Variants in PMVK observed in about 807,000 individuals in gnomAD.
The protein encoded by PMVK is testis tissue sperm-binding protein Li 95mP.
Under a neutral mutation model 19.0 loss-of-function variants are expected in PMVK, and 10 were observed. The observed-to-expected ratio is 0.53, with a 90% CI of 0.32 to 0.89. The LOEUF (loss-of-function observed/expected upper bound fraction) is 0.89. PMVK is among the 40% of genes least tolerant of loss of function. The pLI is 0.03. For missense variants in PMVK, 222 were observed against 251.1 expected (o/e 0.88, Z 0.78); for synonymous variants, 108 against 101.6 (o/e 1.06, Z -0.38).
chr1:154,938,274 C>G (rs72702222), upstream of PMVK, among the ~76,000 whole-genome samples: 1,538 of 152,342 alleles, frequency 0.01, 12 homozygotes, highest in Middle Eastern at 0.031. Context: ...CTCTCTGACT[C>G]TGAGATCCAG....
intron 3 of PMVK, among the ~76,000 whole-genome samples, chr1:154,927,448 CAAAAAAAAAAAAA>C (rs59872946): frequency 2.0e-4 from 7 of 35,548 alleles, no homozygotes; most frequent in Non-Finnish European, 4.2e-4. Flanking sequence ...GACTCTGTCT[CAAAAAAAAAAAAA>C]AAAAAAAAAA....
intron 1 of PMVK, among the ~76,000 whole-genome samples, chr1:154,935,824 G>C (rs1654486368): frequency 6.6e-6 from 1 of 152,010 alleles, no homozygotes; most frequent in African/African-American, 2.4e-5. Context: ...TGAGTAGCTT[G>C]GACTAGAGGT....
intron 1 of PMVK, among the ~76,000 whole-genome samples, chr1:154,932,964 G>T (rs1005020672): frequency 3.2e-4 from 49 of 152,018 alleles, no homozygotes; most frequent in African/African-American, 1.1e-3. Context: ...TTAAAAATTA[G>T]CTGAGCATGG....
intron 1 of PMVK, among the ~76,000 whole-genome samples, chr1:154,936,094 T>A (rs1293417818): frequency 1.3e-5 from 2 of 152,300 alleles, no homozygotes; most frequent in East Asian, 3.9e-4. Context: ...TTTTGTTTTG[T>A]TTTTTTAAGA....
At chr1:154,939,080 T>C (rs1341994135), upstream of PMVK, among the ~76,000 whole-genome samples, 1 of 152,180 alleles carries the variant, frequency 6.6e-6, no homozygotes, top group Non-Finnish European at 1.5e-5. Flanking sequence ...ACAGAGTTGC[T>C]GTCATCATCC....
intron 3 of PMVK, among the ~76,000 whole-genome samples, chr1:154,927,734 A>G (rs1654213472): frequency 6.6e-6 from 1 of 152,032 alleles, no homozygotes; most frequent in Non-Finnish European, 1.5e-5. Flanking sequence ...AAGCCTCTGC[A>G]CTTCCTCCTC....
In PMVK at chr1:154,927,448, CAAAAAAAAAAAAAAAAA is replaced by C. The variant is rs59872946; in HGVS notation, c.313-982_313-966del. Among the ~76,000 whole-genome samples the C allele has an allele frequency of 2.1e-3, 75 of 35,542 alleles. 1 individual carries two copies. Among genetic ancestry groups the C allele is most frequent in the Admixed American group, 9.0e-3 (25 of 2,784 alleles). The allele number at this position is 35,542 out of a possible 152,430, so 23.3% of individuals were successfully genotyped here. A position where few individuals can be genotyped will look rare whatever the true frequency, so the allele number is the denominator to read the frequency against. On this transcript the variant is annotated intron_variant, in intron 3 of 4. Coordinates refer to ENST00000368467, the MANE Select transcript of PMVK (RefSeq NM_006556.4). Reference sequence around the variant, plus strand: ...TGGTGACAAGAGTGAGACTCTGTCTCAAAAAAAAAAAAAAAAAAAAAAAAAAAACACAGGAAAGTCCT... The same window carrying C: ...TGGTGACAAGAGTGAGACTCTGTCTCAAAAAAAAAAACACAGGAAAGTCCT...
Position 154,925,073 on chromosome 1 carries a change from A to T in PMVK, c.*56T>A. The T allele has an allele frequency of 2.4e-6, 3 of 1,268,494 alleles. No individual in the cohort carries two copies. Among genetic ancestry groups the T allele is most frequent in the Non-Finnish European group, 3.1e-6 (3 of 952,906 alleles). 78.6% of individuals were successfully genotyped at this position (1,268,494 alleles called of 1,614,324 possible). On this transcript the variant is annotated 3_prime_UTR_variant, in exon 5 of 5. Coordinates refer to ENST00000368467, the MANE Select transcript of PMVK (RefSeq NM_006556.4). ...GGATCGGGGGACACCCCCATTTTGCAGAGTCAGCCCCACCCCCACCTCAGC... is the reference window on the plus strand; with the variant it reads ...GGATCGGGGGACACCCCCATTTTGCTGAGTCAGCCCCACCCCCACCTCAGC...
upstream of PMVK, chr1:154,936,742 G>C: frequency 6.9e-7 from 1 of 1,439,684 alleles, no homozygotes; most frequent in Non-Finnish European, 9.5e-7. Context: ...CCCTAAAATC[G>C]GGACACCGCG....
chr1:154,936,291 A>T (rs1654501697), intron 1 of PMVK: 2 of 655,396 alleles, frequency 3.1e-6, no homozygotes, highest in Non-Finnish European at 3.8e-6. Context: ...CATGTTGCCC[A>T]GGCTGGTATC....
At position 154,936,655 on chromosome 1, in the gene PMVK, C is replaced by T. The variant is rs41264043; in HGVS notation, c.31G>A (p.Val11Ile). The change falls in exon 1 of 5, where the codon GTA becomes ATA. Residue 11 changes from valine (V) to isoleucine (I), a missense_variant. Coordinates refer to ENST00000368467, the MANE Select transcript of PMVK (RefSeq NM_006556.4). Reference protein sequence around the residue: MAPLGGAPRLVLLFSGKRKSG... With the variant: MAPLGGAPRLILLFSGKRKSG... ...TTCCTCTTGCCGCTGAACAGCAGTA[C>T]CAGCCGCGGGGCGCCTCCCAGCGGG... 275 of 1,608,704 alleles carry T rather than the reference C, an allele frequency of 1.7e-4. No homozygotes were observed. The highest frequency in any genetic ancestry group is 2.2e-4 in the Non-Finnish European group (254 of 1,178,048).
Position 154,936,715 on chromosome 1 carries a change from C to A in PMVK, c.-30G>T. On this transcript the variant is annotated 5_prime_UTR_variant, in exon 1 of 5. Coordinates refer to ENST00000368467, the MANE Select transcript of PMVK (RefSeq NM_006556.4). Reference sequence around the variant, plus strand: ...CCGCCACGCCTCGCGATGCCTGAAGCTGACACTTCTCCCTACCCCTAAAAT... The same window carrying A: ...CCGCCACGCCTCGCGATGCCTGAAGATGACACTTCTCCCTACCCCTAAAAT... The A allele has an allele frequency of 6.4e-7, 1 of 1,556,556 alleles. No individual in the cohort carries two copies. The highest frequency in any genetic ancestry group is 1.3e-5 in the African/African-American group (1 of 74,212).
At chr1:154,941,986 C>A in the PMVK span, among the ~76,000 whole-genome samples, 4 of 152,254 alleles carry the variant, frequency 2.6e-5, no homozygotes, top group East Asian at 7.7e-4. Context: ...GGGGGGAATG[C>A]AGACTGGGGA....
rs55948301 is a variant in PMVK, at chr1:154,928,774, A to AAAATAAAT, written c.312+242_312+249dup. ...GCGACAAGTGTGAGACTCCATCTCAAAAATAAATAAATAAATAAATAAATA... is the reference window on the plus strand; with the variant it reads ...GCGACAAGTGTGAGACTCCATCTCAAAAATAAATAAATAAATAAATAAATAAATAAATA... On this transcript the variant is annotated intron_variant, in intron 3 of 4. Coordinates refer to ENST00000368467, the MANE Select transcript of PMVK (RefSeq NM_006556.4). 0.11 allele frequency among the ~76,000 whole-genome samples: 14,964 copies of AAAATAAAT among 141,930 alleles called. 1,469 individuals are homozygous for AAAATAAAT. Among genetic ancestry groups the AAAATAAAT allele is most frequent in the African/African-American group, 0.27 (9,941 of 37,294 alleles). 93.1% of individuals were successfully genotyped at this position (141,930 alleles called of 152,430 possible).
intron 2 of PMVK, among the ~76,000 whole-genome samples, chr1:154,931,525 C>T (rs1030332707): frequency 6.6e-6 from 1 of 152,100 alleles, no homozygotes; most frequent in African/African-American, 2.4e-5. Flanking sequence ...TCACCCTGTC[C>T]CCTCCCTGGG....
upstream of PMVK, chr1:154,937,124 G>GA (rs892759533): frequency 1.2e-5 from 2 of 166,028 alleles, no homozygotes; most frequent in South Asian, 1.3e-4. Context: ...AAAACTTTAG[G>GA]AAAAAAAATC....
chr1:154,933,771 C>T (rs968055575), intron 1 of PMVK, among the ~76,000 whole-genome samples: 1 of 151,862 alleles, frequency 6.6e-6, no homozygotes, highest in African/African-American at 2.4e-5. Flanking sequence ...GGATTACAGA[C>T]GTGAGCCACC....
chr1:154,926,406 G>A lies in PMVK; in HGVS notation c.390C>T (p.Arg130=), dbSNP rs769551283. 14 of 1,613,794 alleles carry A rather than the reference G, an allele frequency of 8.7e-6. No homozygotes were observed. The highest frequency in any genetic ancestry group is 3.3e-5 in the South Asian group (3 of 91,036). The change falls in exon 4 of 5, where the codon CGC becomes CGT. Residue 130 remains arginine, a synonymous_variant. Coordinates refer to ENST00000368467, the MANE Select transcript of PMVK (RefSeq NM_006556.4). Reference sequence around the variant, plus strand: ...GTCGGCTCTGCTCCAACGCTACAACGCGGACCGTCTGCGTCACGGCCCCAT... The same window carrying A: ...GTCGGCTCTGCTCCAACGCTACAACACGGACCGTCTGCGTCACGGCCCCAT... The part of the protein sequence containing the change: ...EAYGAVTQTV[R]VVALEQSRQQ...
At chr1:154,927,585 G>C (rs75276445) in intron 3 of PMVK, among the ~76,000 whole-genome samples, 1 of 151,186 alleles carries the variant, frequency 6.6e-6, no homozygotes, top group Non-Finnish European at 1.5e-5. Context: ...CCTCTGCTTA[G>C]AACGCTGTAG....
Sources: gnomAD v4.1 joint callset for allele counts (sites outside exome capture counted in the v4.1 genomes callset) on GRCh38, gnomAD v4.1.1 for gene constraint, MANE v1.5 for transcripts, NCBI Gene and HGNC (gene_info 2026-07-23, HGNC 2026-07-21) for gene names.